Variants in SAMD8 observed in about 807,000 individuals in gnomAD.
SAMD8 encodes the protein sterile alpha motif domain containing 8, also known as sphingomyelin synthase-related protein 1.
SAMD8 carries 20 observed loss-of-function variants against 42.0 expected under a neutral mutation model. The observed-to-expected ratio is 0.48, with a 90% confidence interval of 0.34 to 0.69. SAMD8 has a LOEUF of 0.69. Among genes scored for constraint, SAMD8 ranks in the 30% least tolerant of loss-of-function variants. The pLI, the probability that SAMD8 is intolerant of heterozygous loss-of-function variation, is 0.01. For synonymous variants in SAMD8, 162 were observed against 173.0 expected (o/e 0.94, Z 0.50); for missense variants, 328 against 511.6 (o/e 0.64, Z 3.46).
At chr10:75,146,541 C>T (rs369304507) in intron 1 of SAMD8, among the ~76,000 whole-genome samples, 1 of 152,090 alleles carries the variant, frequency 6.6e-6, no homozygotes, top group East Asian at 1.9e-4. Context: ...CCACCTCAGC[C>T]TCCCTAAGTG....
At chr10:75,168,498 G>A (rs1447210808) in intron 3 of SAMD8, 43 bp from the exon 4 acceptor site, 4 of 1,597,480 alleles carry the variant, frequency 2.5e-6, no homozygotes, top group Non-Finnish European at 3.4e-6. Context: ...TTTTTGGTTT[G>A]TTTTCTTCTG....
chr10:75,135,836 A>G (rs1284764137), intron 1 of SAMD8, among the ~76,000 whole-genome samples: 1 of 152,110 alleles, frequency 6.6e-6, no homozygotes, highest in Admixed American at 6.6e-5. Flanking sequence ...TATCAAAAAA[A>G]AAAAAATCTT....
At position 75,181,785 on chromosome 10, in the gene SAMD8, C is replaced by T. The variant is rs1841085212; in HGVS notation, c.*5093C>T. 1 of 152,114 alleles carries T rather than the reference C, an allele frequency of 6.6e-6. No homozygotes were observed. The highest frequency in any genetic ancestry group is 2.4e-5 in the African/African-American group (1 of 41,414). 9.4% of individuals were successfully genotyped at this position (152,114 alleles called of 1,614,324 possible). A position where few individuals can be genotyped will look rare whatever the true frequency, so the allele number is the denominator to read the frequency against. On this transcript the variant is annotated 3_prime_UTR_variant, in exon 6 of 6. Coordinates refer to ENST00000542569, the MANE Select transcript of SAMD8 (RefSeq NM_001174156.2). ...ATGTTCACTTTTACTAAGTTTTATTCAGAGGATCTATGTATTATTAGAAAA... is the reference window on the plus strand; with the variant it reads ...ATGTTCACTTTTACTAAGTTTTATTTAGAGGATCTATGTATTATTAGAAAA...
chr10:75,137,970 A>G (rs944731284), intron 1 of SAMD8, among the ~76,000 whole-genome samples: 3 of 152,224 alleles, frequency 2.0e-5, no homozygotes, highest in Non-Finnish European at 4.4e-5. Context: ...CAGCTGCTTC[A>G]TGACCCTTAC....
At chr10:75,119,124 T>C (rs1251348759) in intron 1 of SAMD8, among the ~76,000 whole-genome samples, 3 of 152,158 alleles carry the variant, frequency 2.0e-5, no homozygotes, top group African/African-American at 7.2e-5. Flanking sequence ...CTGTTTAACT[T>C]TTAAATTTTG....
chr10:75,107,545 G>A (rs1171544409), upstream of SAMD8, among the ~76,000 whole-genome samples: 4 of 152,086 alleles, frequency 2.6e-5, no homozygotes, highest in Non-Finnish European at 2.9e-5. Flanking sequence ...AAGGAATCGG[G>A]TTCGACAAAA....
chr10:75,154,473 A>C (rs1431055262), intron 2 of SAMD8, among the ~76,000 whole-genome samples: 1 of 152,220 alleles, frequency 6.6e-6, no homozygotes, highest in Non-Finnish European at 1.5e-5. Context: ...TGTTCCTGGC[A>C]GGTTTAAGGA....
chr10:75,148,346 C>CTTTGTTTTTTTTTTTTTTTTT (rs1840193320), intron 1 of SAMD8, among the ~76,000 whole-genome samples: 1 of 82,564 alleles, frequency 1.2e-5, no homozygotes, highest in Non-Finnish European at 2.0e-5. Flanking sequence ...GCAATACCAG[C>CTTTGTTTTTTTTTTTTTTTTT]TTTTTTTTTT....
intron 1 of SAMD8, among the ~76,000 whole-genome samples, chr10:75,104,250 T>A (rs1848357098): frequency 6.6e-6 from 1 of 152,036 alleles, no homozygotes; most frequent in Non-Finnish European, 1.5e-5. Flanking sequence ...CTGGGAGAGA[T>A]GAGGAGGTAG....
chr10:75,171,447 G>A (rs980893262), intron 4 of SAMD8, among the ~76,000 whole-genome samples: 2 of 152,036 alleles, frequency 1.3e-5, no homozygotes, highest in Non-Finnish European at 1.5e-5. Flanking sequence ...GATTACAGGC[G>A]TGAGCCATCG....
At position 75,181,368 on chromosome 10, in the gene SAMD8, CTT is replaced by C. The variant is rs1229452600; in HGVS notation, c.*4678_*4679del. On this transcript the variant is annotated 3_prime_UTR_variant, in exon 6 of 6. Transcript: ENST00000542569. ...TAGGTTTTTTGTTTCTTTTCCCTGT[CTT>C]TGAGTAACTTTGAATGACTAAAATT... 2.0e-5 allele frequency: 3 copies of C among 152,260 alleles called. No homozygotes were observed. In the East Asian group the frequency reaches 5.8e-4, roughly 29 times the overall value. 9.4% of individuals were successfully genotyped at this position (152,260 alleles called of 1,614,324 possible).
intron 2 of SAMD8, among the ~76,000 whole-genome samples, chr10:75,163,362 ATTTTG>A (rs1181285210): frequency 2.0e-5 from 3 of 152,124 alleles, no homozygotes; most frequent in Non-Finnish European, 4.4e-5. Flanking sequence ...CTATTGGACT[ATTTTG>A]TTCGTTTCAG....
chr10:75,108,087 A>C, upstream of SAMD8: 16 of 1,613,908 alleles, frequency 9.9e-6, no homozygotes, highest in Non-Finnish European at 1.4e-5. Flanking sequence ...TGGCACCCCC[A>C]GGTAGCTCAC....
At chr10:75,148,129 T>C (rs1487240234) in intron 1 of SAMD8, among the ~76,000 whole-genome samples, 1 of 152,112 alleles carries the variant, frequency 6.6e-6, no homozygotes, top group Non-Finnish European at 1.5e-5. Flanking sequence ...AAAATTACGA[T>C]TGCTTTTAGT....
At chr10:75,166,629 T>C (rs1330383704) in intron 3 of SAMD8, among the ~76,000 whole-genome samples, 1 of 152,200 alleles carries the variant, frequency 6.6e-6, no homozygotes, top group Non-Finnish European at 1.5e-5. Context: ...TGAGCCATAT[T>C]CTCTCCCATT....
upstream of SAMD8, among the ~76,000 whole-genome samples, chr10:75,111,294 G>GC (rs1329884823): frequency 6.6e-6 from 1 of 152,164 alleles, no homozygotes; most frequent in Non-Finnish European, 1.5e-5. Context: ...GATCCCACAG[G>GC]CCCCGCCCCG....
At chr10:75,159,709 A>G (rs1840512418) in intron 2 of SAMD8, among the ~76,000 whole-genome samples, 1 of 152,150 alleles carries the variant, frequency 6.6e-6, no homozygotes, top group Non-Finnish European at 1.5e-5. Flanking sequence ...TTTAGATTGG[A>G]CCTACACTGT....
chr10:75,141,026 G>T (rs1839998791), intron 1 of SAMD8, among the ~76,000 whole-genome samples: 1 of 151,944 alleles, frequency 6.6e-6, no homozygotes, highest in Non-Finnish European at 1.5e-5. Flanking sequence ...TTTAATTTTT[G>T]ATTGTTTGTT....
chr10:75,142,191 G>T (rs562124290), intron 1 of SAMD8, among the ~76,000 whole-genome samples: 1 of 151,050 alleles, frequency 6.6e-6, no homozygotes, highest in Non-Finnish European at 1.5e-5. Flanking sequence ...GAGGTGATCC[G>T]CCTGTCTCAG....
Sources: allele counts gnomAD v4.1 joint callset (sites outside exome capture counted in the v4.1 genomes callset), GRCh38; gene constraint gnomAD v4.1.1; transcripts MANE v1.5; gene names NCBI Gene and HGNC (gene_info 2026-07-23, HGNC 2026-07-21).